TDRD7: variants seen among roughly 807,000 people sequenced by gnomAD.
TDRD7 encodes the protein tudor domain containing 7, also known as tudor domain-containing protein 7.
In TDRD7, 47 loss-of-function variants were observed where a neutral mutation model predicts 109.8. That is an observed-to-expected ratio of 0.43 (90% confidence interval 0.34 to 0.55). The LOEUF is 0.55. Among genes scored for constraint, TDRD7 ranks in the 20% least tolerant of loss-of-function variants. TDRD7 has a pLI of 0.03. For missense variants in TDRD7, 1,164 were observed against 1,319.2 expected (o/e 0.88, Z 1.82); for synonymous variants, 424 against 457.3 (o/e 0.93, Z 0.93).
chr9:97,484,262 T>G (rs1829173260), intron 15 of TDRD7, among the ~76,000 whole-genome samples: 1 of 152,194 alleles, frequency 6.6e-6, no homozygotes, highest in South Asian at 2.1e-4. Context: ...TTTTCACATT[T>G]GGGTCCACAC....
intron 3 of TDRD7, 33 bp from the exon 4 acceptor site, chr9:97,431,992 A>G (rs755426564): frequency 1.9e-6 from 3 of 1,589,584 alleles, no homozygotes. Flanking sequence ...TGGGGATGCT[A>G]ATTGATTTCG....
At chr9:97,444,138 CTG>C (rs1828358780) in intron 6 of TDRD7, among the ~76,000 whole-genome samples, 2 of 152,124 alleles carry the variant, frequency 1.3e-5, no homozygotes, top group Admixed American at 6.5e-5. Context: ...AAACAACTGA[CTG>C]TTTTTTTGGT....
chr9:97,482,923 T>G lies in TDRD7; in HGVS notation c.2487T>G (p.His829Gln). 1.2e-6 allele frequency: 2 copies of G among 1,614,200 alleles called. No homozygotes were observed. The highest frequency in any genetic ancestry group is 1.7e-6 in the Non-Finnish European group (2 of 1,180,028). Residue 829 changes from histidine (H) to glutamine (Q), a missense_variant, in exon 15 of 17, where the codon CAT becomes CAG. Transcript: ENST00000355295. ...CCCCTAAGAACTTCCCTGACCCTCA[T>G]CGCAGTATTAATCGCCAGATTACAA... Reference protein sequence around the residue: ...LFTPKNFPDPHRSINRQITNA... With the variant: ...LFTPKNFPDPQRSINRQITNA...
chr9:97,439,802 T>C (rs1828267843), intron 5 of TDRD7, among the ~76,000 whole-genome samples: 1 of 152,246 alleles, frequency 6.6e-6, no homozygotes, highest in Non-Finnish European at 1.5e-5. Context: ...AATAATTCTT[T>C]GGGTAATAGA....
intron 1 of TDRD7, among the ~76,000 whole-genome samples, chr9:97,416,403 A>C (rs1271613030): frequency 6.6e-6 from 1 of 152,246 alleles, no homozygotes; most frequent in African/African-American, 2.4e-5. Flanking sequence ...TATAACTACC[A>C]AAAGCTGTTG....
intron 1 of TDRD7, among the ~76,000 whole-genome samples, chr9:97,415,327 T>C (rs62557475): frequency 0.072 from 10,972 of 152,070 alleles, 629 homozygotes; most frequent in African/African-American, 0.16. Flanking sequence ...ACACCAGTAG[T>C]TAGAGGAAGC....
At position 97,460,650 on chromosome 9, in the gene TDRD7, A is replaced by G; in HGVS notation, c.1328A>G (p.Glu443Gly). ...TTGCAGGTAGAAGAAAGCATTGCTG[A>G]AAGTGCTAATACCTTTATGGAGGAC... is the stretch of plus-strand genomic sequence containing the variant. ...EYLQVEESIA[E>G]SANTFMEDIT... is the part of the protein sequence containing the mutation. Residue 443 changes from glutamate (E) to glycine (G), a missense_variant, in exon 7 of 17, where the codon GAA (glutamate) becomes GGA (glycine). Glu to Gly is a moderately conservative substitution (Grantham distance 98, BLOSUM62 -2). This residue lies in a region of TDRD7 where 407 missense variants were observed against 394.0 expected (regional missense o/e 1.03). Transcript: ENST00000355295. The G allele has an allele frequency of 1.2e-6, 2 of 1,614,194 alleles. No homozygotes were observed. The highest frequency in any genetic ancestry group is 1.7e-6 in the Non-Finnish European group (2 of 1,180,024).
intron 4 of TDRD7, among the ~76,000 whole-genome samples, chr9:97,438,102 C>T (rs931210136): frequency 5.3e-5 from 8 of 152,252 alleles, no homozygotes; most frequent in South Asian, 4.1e-4. Flanking sequence ...TTCCAGTTTA[C>T]ATGTTTTGGG....
intron 5 of TDRD7, among the ~76,000 whole-genome samples, chr9:97,440,770 A>G (rs914527945): frequency 2.6e-5 from 4 of 152,218 alleles, no homozygotes; most frequent in African/African-American, 9.6e-5. Flanking sequence ...AAATATGCAT[A>G]TATTTTGCAT....
intron 6 of TDRD7, among the ~76,000 whole-genome samples, chr9:97,456,135 T>C (rs1323371219): frequency 6.6e-6 from 1 of 152,062 alleles, no homozygotes; most frequent in Non-Finnish European, 1.5e-5. Flanking sequence ...AAGGACCTCT[T>C]CAAAGACAAC....
rs768158623 is a variant in TDRD7 at position 97,460,407 on chromosome 9, C to G, written c.1085C>G (p.Pro362Arg). The G allele has an allele frequency of 1.2e-6, 2 of 1,614,166 alleles. No homozygotes were observed. The highest frequency in any genetic ancestry group is 1.7e-5 in the Admixed American group (1 of 60,022). ...YTSGLWASAL[P>R]KAFEEMYKVK... ...AGTGGCCTTTGGGCCAGTGCACTTC[C>G]GAAAGCATTTGAGGAAATGTACAAA... Residue 362 changes from proline to arginine, a missense_variant, in exon 7 of 17, where the codon CCG becomes CGG. Pro to Arg is a moderately radical substitution (Grantham distance 103). Transcript: ENST00000355295.
chr9:97,428,391 T>C (rs1828039321), intron 1 of TDRD7, 69 bp from the exon 2 acceptor site: 4 of 1,466,806 alleles, frequency 2.7e-6, no homozygotes, highest in East Asian at 4.6e-5. Flanking sequence ...AAGTTTCAGC[T>C]CTGAAAATCT....
At chr9:97,432,486 G>T (rs1421242945) in intron 4 of TDRD7, among the ~76,000 whole-genome samples, 1 of 152,078 alleles carries the variant, frequency 6.6e-6, no homozygotes, top group African/African-American at 2.4e-5. Flanking sequence ...CTCACAAATT[G>T]TTTTGAGATA....
At chr9:97,473,416 A>G in intron 10 of TDRD7, 76 bp from the exon 11 acceptor site, 1 of 1,588,648 alleles carries the variant, frequency 6.3e-7, no homozygotes, top group East Asian at 2.2e-5. Context: ...TGGGATGTTT[A>G]GGTAGATACC....
chr9:97,429,402 C>T (rs1828062427), intron 2 of TDRD7, among the ~76,000 whole-genome samples: 2 of 152,066 alleles, frequency 1.3e-5, no homozygotes, highest in Admixed American at 6.5e-5. Context: ...ACACCCACAC[C>T]CCCTCATACA....
At chr9:97,461,644 A>G (rs1483869084) in intron 7 of TDRD7, among the ~76,000 whole-genome samples, 1 of 152,258 alleles carries the variant, frequency 6.6e-6, no homozygotes, top group Admixed American at 6.5e-5. Flanking sequence ...GAATACGTGG[A>G]AAATATAGAA....
intron 4 of TDRD7, 55 bp from the exon 5 acceptor site, chr9:97,439,190 G>A: frequency 7.2e-7 from 1 of 1,394,264 alleles, no homozygotes; most frequent in Non-Finnish European, 9.7e-7. Flanking sequence ...TTTAAAACTT[G>A]GTATAGACTT....
intron 2 of TDRD7, 61 bp downstream of exon 2, chr9:97,428,733 C>T (rs1021983633): frequency 1.1e-5 from 16 of 1,464,068 alleles, no homozygotes; most frequent in Non-Finnish European, 1.4e-5. Flanking sequence ...CTCTCTGGCA[C>T]TTCCAATCTC....
At position 97,495,881 on chromosome 9, in the gene TDRD7, T is replaced by G; in HGVS notation, c.3295T>G (p.Ter1099GluextTer1). 6.2e-7 allele frequency: 1 copy of G among 1,612,534 alleles called. No homozygotes were observed. The highest frequency in any genetic ancestry group is 1.1e-5 in the South Asian group (1 of 91,046). Residue 1099 changes from the stop codon to glutamate, a stop_lost, in exon 17 of 17, where the codon TAA becomes GAA. Transcript: ENST00000355295. ...EYLIELSKVN[*>E] Reference sequence around the variant, plus strand: ...TCTGATAGAGCTTTCAAAAGTTAATTAATGACTGCCTCTGAAACCTTGACA... The same window carrying G: ...TCTGATAGAGCTTTCAAAAGTTAATGAATGACTGCCTCTGAAACCTTGACA...
Sources: allele counts gnomAD v4.1 joint callset (sites outside exome capture counted in the v4.1 genomes callset), GRCh38; gene constraint gnomAD v4.1.1; regional missense constraint gnomAD v4.1.1; transcripts MANE v1.5; gene names NCBI Gene and HGNC (gene_info 2026-07-23, HGNC 2026-07-21).